LRRFIP2: variants seen among roughly 807,000 people sequenced by gnomAD.
LRRFIP2 encodes the protein leucine-rich repeat flightless-interacting protein 2.
In LRRFIP2, 109 loss-of-function variants were observed where a neutral mutation model predicts 125.9. That is an observed-to-expected ratio of 0.87 (90% CI 0.74 to 1.01). The LOEUF is 1.01. LRRFIP2 is among the 50% of genes least tolerant of loss of function. The pLI, the probability that LRRFIP2 is intolerant of heterozygous loss-of-function variation, is 0.00. For missense variants in LRRFIP2, 850 were observed against 862.3 expected, an observed-to-expected ratio of 0.99 and a Z score of 0.18; for synonymous variants, 291 against 293.1, an observed-to-expected ratio of 0.99 and a Z score of 0.07.
chr3:37,064,051 G>A (rs907298089), intron 23 of LRRFIP2: 5 of 424,136 alleles, frequency 1.2e-5, no homozygotes, highest in Non-Finnish European at 2.1e-5. Context: ...GCCACTTAAA[G>A]ACAAACAGAA....
chr3:37,056,779 C>T lies in LRRFIP2; in HGVS notation c.1871-1614G>A, dbSNP rs6764169. 3.2e-3 allele frequency among the ~76,000 whole-genome samples: 493 copies of T among 152,216 alleles called. 4 individuals carry two copies. Among genetic ancestry groups the T allele is most frequent in the African/African-American group, 0.011 (469 of 41,532 alleles). On this transcript the variant is annotated intron_variant, in intron 25 of 27. Transcript: ENST00000336686. ...CTTAAAAGGAACAGGGTTACCATCT[C>T]CCCAAAAGCCATATCTGGTAGTGAA...
intron 4 of LRRFIP2, among the ~76,000 whole-genome samples, chr3:37,123,480 T>G (rs1277631806): frequency 6.6e-6 from 1 of 152,198 alleles, no homozygotes; most frequent in Admixed American, 6.5e-5. Flanking sequence ...TGAGCCACCA[T>G]GCCTGGCCAC....
intron 19 of LRRFIP2, among the ~76,000 whole-genome samples, chr3:37,078,538 A>C (rs917796749): frequency 1.3e-5 from 2 of 152,196 alleles, no homozygotes; most frequent in Non-Finnish European, 2.9e-5. Context: ...AAGACAGAAG[A>C]GGTTAAATAA....
intron 25 of LRRFIP2, among the ~76,000 whole-genome samples, chr3:37,056,508 C>T (rs1228324963): frequency 6.6e-6 from 1 of 151,196 alleles, no homozygotes; most frequent in Non-Finnish European, 1.5e-5. Flanking sequence ...GGCTAGAGTG[C>T]AGTGGCGCGA....
chr3:37,163,356 G>T (rs2096395990), intron 1 of LRRFIP2, among the ~76,000 whole-genome samples: 1 of 152,152 alleles, frequency 6.6e-6, no homozygotes. Flanking sequence ...GTTAAGTGTA[G>T]CCATTTGACT....
At chr3:37,130,217 T>C (rs1015922488) in intron 2 of LRRFIP2, among the ~76,000 whole-genome samples, 4 of 152,214 alleles carry the variant, frequency 2.6e-5, no homozygotes, top group East Asian at 1.9e-4. Context: ...CATGGAATCA[T>C]ACCATAGGAA....
intron 14 of LRRFIP2, among the ~76,000 whole-genome samples, chr3:37,103,999 C>T (rs778563486): frequency 6.6e-5 from 10 of 151,652 alleles, no homozygotes; most frequent in Non-Finnish European, 1.0e-4. Context: ...TGACTGTTTG[C>T]CTTGCTTTAA....
intron 4 of LRRFIP2, among the ~76,000 whole-genome samples, chr3:37,123,823 A>G (rs934423681): frequency 3.9e-5 from 6 of 152,190 alleles, no homozygotes; most frequent in Admixed American, 3.9e-4. Flanking sequence ...TCACCTAAAG[A>G]GCATATCCCA....
upstream of LRRFIP2, chr3:37,174,607 T>C (rs2096631123): frequency 6.7e-6 from 1 of 150,324 alleles, no homozygotes; most frequent in African/African-American, 2.4e-5. Flanking sequence ...TTCCCACATC[T>C]GGCAAAAAAA....
chr3:37,085,316 C>T lies in LRRFIP2; in HGVS notation c.1108-1510G>A, dbSNP rs971301617. 2.0e-5 allele frequency among the ~76,000 whole-genome samples: 3 copies of T among 151,978 alleles called. No homozygotes were observed. The East Asian group carries it at 5.8e-4, about 30-fold the overall frequency. Reference sequence around the variant, plus strand: ...CTTGAGGTCAGGAGTTCAAGACCAGCTTGACCAACATGGTAAAACCCTAAA... The same window carrying T: ...CTTGAGGTCAGGAGTTCAAGACCAGTTTGACCAACATGGTAAAACCCTAAA... On this transcript the variant is annotated intron_variant, in intron 18 of 27. Coordinates refer to ENST00000336686, the MANE Select transcript of LRRFIP2 (RefSeq NM_006309.4).
chr3:37,127,723 A>T, intron 3 of LRRFIP2, 43 bp from the exon 4 acceptor site: 1 of 1,487,828 alleles, frequency 6.7e-7, no homozygotes, highest in Non-Finnish European at 9.4e-7. Context: ...TTTCTAACAT[A>T]TTGCATTCTC....
At chr3:37,133,437 T>C (rs1221538385) in intron 2 of LRRFIP2, among the ~76,000 whole-genome samples, 1 of 152,204 alleles carries the variant, frequency 6.6e-6, no homozygotes, top group Non-Finnish European at 1.5e-5. Context: ...AGACAAATTA[T>C]GGTATACACA....
intron 17 of LRRFIP2, among the ~76,000 whole-genome samples, chr3:37,092,840 AATTT>A (rs145260155): frequency 0.019 from 2,822 of 151,386 alleles, 34 homozygotes; most frequent in Non-Finnish European, 0.03. Flanking sequence ...CCCTACCGAC[AATTT>A]ATTTTTTTTT....
chr3:37,121,791 C>T (rs1576969189), intron 4 of LRRFIP2, 100 bp from the exon 5 acceptor site: 1 of 1,103,566 alleles, frequency 9.1e-7, no homozygotes, highest in African/African-American at 1.5e-5. Context: ...ACAGCAACAA[C>T]TCCTGAGAGC....
chr3:37,127,461 G>C (rs2095312619), intron 4 of LRRFIP2, among the ~76,000 whole-genome samples, 169 bp downstream of exon 4: 1 of 152,138 alleles, frequency 6.6e-6, no homozygotes, highest in South Asian at 2.1e-4. Context: ...TAAAATGGCA[G>C]GACTCCAAGT....
intron 21 of LRRFIP2, chr3:37,067,601 A>T (rs947060548): frequency 1.3e-5 from 2 of 152,242 alleles, no homozygotes; most frequent in African/African-American, 4.8e-5. Flanking sequence ...AAATCATTAT[A>T]ATCCTGTTTT....
intron 18 of LRRFIP2, 78 bp downstream of exon 18, chr3:37,091,389 T>C: frequency 8.7e-7 from 1 of 1,147,294 alleles, no homozygotes; most frequent in Non-Finnish European, 1.3e-6. Flanking sequence ...TGCAGTTGGT[T>C]AACAGAACTT....
At chr3:37,154,162 G>A (rs999500989) in intron 1 of LRRFIP2, among the ~76,000 whole-genome samples, 3 of 152,072 alleles carry the variant, frequency 2.0e-5, no homozygotes, top group Admixed American at 2.0e-4. Flanking sequence ...GGTGACAGAG[G>A]GAGACCCTGT....
chr3:37,086,402 C>T (rs187481408), intron 18 of LRRFIP2, among the ~76,000 whole-genome samples: 18 of 152,274 alleles, frequency 1.2e-4, no homozygotes, highest in Non-Finnish European at 2.2e-4. Context: ...AAAGATATGT[C>T]TACACAAAAA....
Sources: gnomAD v4.1 joint callset for allele counts (sites outside exome capture counted in the v4.1 genomes callset) on GRCh38, gnomAD v4.1.1 for gene constraint, MANE v1.5 for transcripts, NCBI Gene and HGNC (gene_info 2026-07-23, HGNC 2026-07-21) for gene names.